DISC1: variants seen among roughly 807,000 people sequenced by gnomAD.
The protein encoded by DISC1 is disrupted in schizophrenia 1 protein.
A neutral mutation model predicts 84.5 loss-of-function variants in DISC1; 57 were observed. That is an observed-to-expected ratio of 0.67 (90% CI 0.55 to 0.84). The LOEUF (loss-of-function observed/expected upper bound fraction) is 0.84. Among genes scored for constraint, DISC1 ranks in the 40% least tolerant of loss-of-function variants. The pLI is 0.00. For synonymous variants in DISC1, 411 were observed against 415.2 expected (o/e 0.99, Z 0.12); for missense variants, 1,000 against 1,057.8 (o/e 0.95, Z 0.76).
chr1:231,739,985 GT>G (rs1340021547), intron 3 of DISC1, among the ~76,000 whole-genome samples: 2 of 152,142 alleles, frequency 1.3e-5, no homozygotes, highest in Non-Finnish European at 2.9e-5. Flanking sequence ...AGGTGATTAG[GT>G]CATGAGGGTG....
chr1:231,975,185 G>A (rs1035016269), intron 10 of DISC1, among the ~76,000 whole-genome samples: 1 of 151,950 alleles, frequency 6.6e-6, no homozygotes, highest in African/African-American at 2.4e-5. Context: ...TGCAAAAGAA[G>A]ACATACACAT....
chr1:231,877,091 C>T (rs917844351), intron 9 of DISC1, among the ~76,000 whole-genome samples: 12 of 152,086 alleles, frequency 7.9e-5, no homozygotes, highest in African/African-American at 2.7e-4. Flanking sequence ...AGGAAATCTC[C>T]CCAACAAGTA....
At chr1:231,981,855 G>A (rs772710436) in intron 10 of DISC1, among the ~76,000 whole-genome samples, 8 of 152,194 alleles carry the variant, frequency 5.3e-5, no homozygotes, top group Non-Finnish European at 1.2e-4. Context: ...GGTGAAGGTT[G>A]TTAGGTGGCC....
Position 232,005,011 on chromosome 1 carries a change from TCC to T in DISC1, c.2043-3772_2043-3771del, listed in dbSNP as rs1491312418. ...TTCTTCTCTTCTTTCCTTCCTTCCT[TCC>T]CTCTCTCCCTCCCTCACTCCCTCCC... On this transcript the variant is annotated intron_variant, in intron 10 of 12. Coordinates refer to ENST00000439617, the MANE Select transcript of DISC1 (RefSeq NM_018662.3). Among the ~76,000 whole-genome samples, 469 of 119,460 alleles carry T rather than the reference TCC, an allele frequency of 3.9e-3. 1 individual carries two copies. Among genetic ancestry groups the T allele is most frequent in the African/African-American group, 0.011 (321 of 28,712 alleles). 78.4% of individuals were successfully genotyped at this position (119,460 alleles called of 152,430 possible).
At chr1:231,699,835 T>G (rs115148116) in intron 2 of DISC1, among the ~76,000 whole-genome samples, 153 of 152,362 alleles carry the variant, frequency 1.0e-3, no homozygotes, top group African/African-American at 3.6e-3. Context: ...TCATTACCTG[T>G]GTGACCTCAT....
intron 9 of DISC1, among the ~76,000 whole-genome samples, chr1:231,913,783 G>C (rs1466022316): frequency 6.6e-6 from 1 of 152,200 alleles, no homozygotes; most frequent in African/African-American, 2.4e-5. Flanking sequence ...GGTTGCAGTA[G>C]GTGACCGTTT....
intron 8 of DISC1, among the ~76,000 whole-genome samples, chr1:231,809,230 GTC>G (rs976295125): frequency 6.6e-6 from 1 of 152,162 alleles, no homozygotes; most frequent in African/African-American, 2.4e-5. Context: ...TCCCGTTACA[GTC>G]ACCACATGAT....
rs187449863 is a variant in DISC1, at chr1:231,657,472, G to A, written c.67+30538G>A. ...TGATAGTTTCTTTTGCTGTGCAGAA[G>A]CTCTTTAGTTTAATTAGATACCATT... On this transcript the variant is annotated intron_variant, in intron 1 of 12. Coordinates refer to ENST00000439617, the MANE Select transcript of DISC1 (RefSeq NM_018662.3). Among the ~76,000 whole-genome samples, 23 of 152,316 alleles carry A rather than the reference G, an allele frequency of 1.5e-4. No homozygotes were observed. In the East Asian group the frequency reaches 4.2e-3, roughly 28 times the overall value.
In DISC1 at chr1:231,829,867, T is replaced by TG. The variant is rs577936531; in HGVS notation, c.1981+11357dup. 3.8e-3 allele frequency among the ~76,000 whole-genome samples: 338 copies of TG among 87,804 alleles called. 1 individual carries two copies. The highest frequency in any genetic ancestry group is 0.014 in the African/African-American group (316 of 22,508). The allele number at this position is 87,804 out of a possible 152,430, so 57.6% of individuals were successfully genotyped here. Reference sequence around the variant, plus strand: ...GGGGTTGTTCTCTGGCGGGCAGGAGTGGGGGGGTCACAAGGTGCTCAGTGG... The same window carrying TG: ...GGGGTTGTTCTCTGGCGGGCAGGAGTGGGGGGGGTCACAAGGTGCTCAGTGG... On this transcript the variant is annotated intron_variant, in intron 9 of 12. Transcript: ENST00000439617.
At chr1:232,010,709 G>T (rs1667948024) in intron 11 of DISC1, among the ~76,000 whole-genome samples, 1 of 152,162 alleles carries the variant, frequency 6.6e-6, no homozygotes, top group Non-Finnish European at 1.5e-5. Context: ...GTATTTTTAT[G>T]CTTAAGTTTG....
intron 12 of DISC1, among the ~76,000 whole-genome samples, chr1:232,027,859 A>G (rs1430400839): frequency 1.3e-5 from 2 of 150,944 alleles, no homozygotes; most frequent in South Asian, 2.1e-4. Context: ...CCAAGGATTA[A>G]TCTTAGTCAT....
chr1:231,720,409 G>T (rs1342148891), intron 3 of DISC1, among the ~76,000 whole-genome samples: 2 of 152,038 alleles, frequency 1.3e-5, no homozygotes, highest in Non-Finnish European at 1.5e-5. Context: ...CATGATCATA[G>T]CTCACTGCTG....
chr1:231,878,880 C>T (rs115352102), intron 9 of DISC1, among the ~76,000 whole-genome samples: 327 of 152,168 alleles, frequency 2.1e-3, no homozygotes, highest in Non-Finnish European at 3.6e-3. Context: ...GGAGTCATAC[C>T]ATATTTATTC....
intron 3 of DISC1, chr1:231,723,126 G>A: frequency 4.5e-5 from 43 of 956,644 alleles, no homozygotes; most frequent in Non-Finnish European, 5.4e-5. Context: ...CTCAAGTCTT[G>A]TTTTCAGTGG....
chr1:231,702,263 C>A (rs2066516998), intron 3 of DISC1: 1 of 1,198,908 alleles, frequency 8.3e-7, no homozygotes, highest in African/African-American at 1.6e-5. Flanking sequence ...AAACACTTAG[C>A]ATACTCACAC....
intron 5 of DISC1, among the ~76,000 whole-genome samples, chr1:231,768,275 G>A (rs1005516230): frequency 1.3e-5 from 2 of 152,134 alleles, no homozygotes; most frequent in African/African-American, 2.4e-5. Flanking sequence ...CAACACCCAA[G>A]TTCAAATCCT....
Position 231,754,299 on chromosome 1 carries a change from G to C in DISC1, c.1268+4223G>C, listed in dbSNP as rs2074911786. Among the ~76,000 whole-genome samples the C allele has an allele frequency of 3.9e-5, 6 of 152,112 alleles. No homozygotes were observed. In the South Asian group the frequency reaches 1.0e-3, roughly 26 times the overall value. Reference sequence around the variant, plus strand: ...ATTTATAAAGAAAAGAGGCTTAATTGGCTCACTATTCTGCAGGATGTACAG... The same window carrying C: ...ATTTATAAAGAAAAGAGGCTTAATTCGCTCACTATTCTGCAGGATGTACAG... On this transcript the variant is annotated intron_variant, in intron 4 of 12. Transcript: ENST00000439617.
At chr1:232,001,579 T>C (rs934425076) in intron 10 of DISC1, among the ~76,000 whole-genome samples, 1 of 152,140 alleles carries the variant, frequency 6.6e-6, no homozygotes, top group Non-Finnish European at 1.5e-5. Context: ...TAAAAATAGG[T>C]CCATAAAAAT....
intron 1 of DISC1, among the ~76,000 whole-genome samples, chr1:231,660,018 T>G (rs1017906392): frequency 6.6e-6 from 1 of 152,160 alleles, no homozygotes; most frequent in African/African-American, 2.4e-5. Flanking sequence ...TTCAGGTCCT[T>G]ACTATCTTTA....
Sources: gnomAD v4.1 joint callset for allele counts (sites outside exome capture counted in the v4.1 genomes callset) on GRCh38, gnomAD v4.1.1 for gene constraint, MANE v1.5 for transcripts, NCBI Gene and HGNC (gene_info 2026-07-23, HGNC 2026-07-21) for gene names.